The following SLC1A2 variants were observed in gnomAD, a reference collection of about 807,000 sequenced individuals.
SLC1A2 encodes the protein excitatory amino acid transporter 2.
A neutral mutation model predicts 48.8 loss-of-function variants in SLC1A2; 15 were observed. That is an observed-to-expected ratio of 0.31 (90% CI 0.21 to 0.47). The LOEUF is 0.47. Ranked by LOEUF, SLC1A2 falls within the 20% of genes least tolerant of loss-of-function variation. The pLI, the probability that SLC1A2 is intolerant of heterozygous loss-of-function variation, is 0.99. For missense variants in SLC1A2, 502 were observed against 730.5 expected, an observed-to-expected ratio of 0.69 and a Z score of 3.61; for synonymous variants, 279 against 272.6, an observed-to-expected ratio of 1.02 and a Z score of -0.23.
At position 35,296,126 on chromosome 11, in the gene SLC1A2, C is replaced by T. The variant is rs145649107; in HGVS notation, c.858-3606G>A. Among the ~76,000 whole-genome samples the T allele has an allele frequency of 7.5e-4, 114 of 152,332 alleles. 1 individual carries two copies. Among genetic ancestry groups the T allele is most frequent in the Non-Finnish European group, 1.3e-3 (89 of 68,030 alleles). ...TTGGTGACCTTCTGGAAACCATTTA[C>T]CTTAGCTCCAACTACTTCAGGATCT... is the stretch of plus-strand genomic sequence containing the variant. On this transcript the variant is annotated intron_variant, in intron 6 of 10. Coordinates refer to ENST00000278379, the MANE Select transcript of SLC1A2 (RefSeq NM_004171.4).
intron 10 of SLC1A2, chr11:35,264,892 T>G (rs551548824): frequency 6.6e-6 from 1 of 152,486 alleles, no homozygotes; most frequent in South Asian, 2.1e-4. Context: ...TGCTGGGGAT[T>G]TCTCTTGATG....
In SLC1A2 at chr11:35,360,153, A is replaced by T. The variant is rs546116952; in HGVS notation, c.18-42637T>A. 7.3e-5 allele frequency: 64 copies of T among 877,880 alleles called. 1 individual carries two copies. In the South Asian group the frequency reaches 3.0e-3, roughly 41 times the overall value. 54.4% of individuals were successfully genotyped at this position (877,880 alleles called of 1,614,324 possible). ...AGAGGAAAAGCTGTCGGGGGCTTTA[A>T]AGTTTACCTACCCAGTGTTTTGATG... On this transcript the variant is annotated intron_variant, in intron 1 of 10. Transcript: ENST00000278379.
intron 7 of SLC1A2, chr11:35,291,461 C>T (rs1457079370): frequency 4.6e-5 from 7 of 152,136 alleles, no homozygotes; most frequent in Non-Finnish European, 1.0e-4. Context: ...AGGGTTTCAC[C>T]ATGTTAGCCA....
rs1443153596 is a variant in SLC1A2, at chr11:35,258,266, C to T, written c.*2628G>A. 6.6e-6 allele frequency: 1 copy of T among 152,206 alleles called. No homozygotes were observed. The highest frequency in any genetic ancestry group is 2.4e-5 in the African/African-American group (1 of 41,446). The allele number at this position is 152,206 out of a possible 1,614,324, so 9.4% of individuals were successfully genotyped here. Reference sequence around the variant, plus strand: ...TTCTAAGTATATTCTCACGAGACTTCCTGCACACAGTAAGTCTCAGACCAG... The same window carrying T: ...TTCTAAGTATATTCTCACGAGACTTTCTGCACACAGTAAGTCTCAGACCAG... On this transcript the variant is annotated 3_prime_UTR_variant, in exon 11 of 11. Coordinates refer to ENST00000278379, the MANE Select transcript of SLC1A2 (RefSeq NM_004171.4).
At chr11:35,286,992 T>G (rs1312320383) in intron 7 of SLC1A2, 41 bp from the exon 8 acceptor site, 1 of 1,518,284 alleles carries the variant, frequency 6.6e-7, no homozygotes, top group Non-Finnish European at 9.1e-7. Flanking sequence ...TTATGTCCAC[T>G]TTAGAGAAGC....
intron 4 of SLC1A2, among the ~76,000 whole-genome samples, chr11:35,310,046 C>G (rs1031708151): frequency 6.6e-6 from 1 of 152,152 alleles, no homozygotes; most frequent in Non-Finnish European, 1.5e-5. Flanking sequence ...CAAAGACTGC[C>G]CATCCACCAC....
intron 1 of SLC1A2, among the ~76,000 whole-genome samples, chr11:35,327,853 T>C (rs1274500276): frequency 2.0e-5 from 3 of 152,126 alleles, no homozygotes; most frequent in Non-Finnish European, 4.4e-5. Flanking sequence ...TGTGCTGTGG[T>C]TCTGCAGCAA....
intron 1 of SLC1A2, among the ~76,000 whole-genome samples, chr11:35,405,250 C>T (rs1855251405): frequency 6.6e-6 from 1 of 152,068 alleles, no homozygotes; most frequent in South Asian, 2.1e-4. Context: ...ACACACATAC[C>T]AACTACAAGG....
intron 10 of SLC1A2, chr11:35,262,005 T>C (rs899815772): frequency 1.8e-5 from 6 of 328,168 alleles, no homozygotes; most frequent in Non-Finnish European, 2.7e-5. Flanking sequence ...GCAGTTATTC[T>C]GATTAAACTT....
chr11:35,371,722 C>T (rs2135168089), intron 1 of SLC1A2, among the ~76,000 whole-genome samples: 1 of 152,310 alleles, frequency 6.6e-6, no homozygotes, highest in Non-Finnish European at 1.5e-5. Flanking sequence ...TCAGAGTGCA[C>T]CCAAGCAACC....
rs145088116 is a variant in SLC1A2 at position 35,373,611 on chromosome 11, G to A, written c.17+45339C>T. 1.8e-4 allele frequency among the ~76,000 whole-genome samples: 27 copies of A among 152,336 alleles called. No individual in the cohort carries two copies. The East Asian group carries it at 3.5e-3, about 20-fold the overall frequency. On this transcript the variant is annotated intron_variant, in intron 1 of 10. Transcript: ENST00000278379. ...AGAAAATGAGTAGATGTGAAACAGGGAGAGGGCTGCAGGCTGTGCTGCAAC... is the reference window on the plus strand; with the variant it reads ...AGAAAATGAGTAGATGTGAAACAGGAAGAGGGCTGCAGGCTGTGCTGCAAC...
At chr11:35,291,255 T>C (rs1850994128) in intron 7 of SLC1A2, 1 of 151,746 alleles carries the variant, frequency 6.6e-6, no homozygotes, top group Admixed American at 6.6e-5. Flanking sequence ...GTAAGGCATT[T>C]CTTTCTTTCT....
chr11:35,327,257 G>A (rs1401170587), intron 1 of SLC1A2, among the ~76,000 whole-genome samples: 1 of 151,350 alleles, frequency 6.6e-6, no homozygotes, highest in African/African-American at 2.5e-5. Flanking sequence ...TTGAGCTAAA[G>A]TTGAAAAATA....
chr11:35,350,445 T>TGCAACAACCCCAAAAG, intron 1 of SLC1A2, among the ~76,000 whole-genome samples: 1 of 152,288 alleles, frequency 6.6e-6, no homozygotes, highest in African/African-American at 2.4e-5. Context: ...AAGGTACAAA[T>TGCAACAACCCCAAAAG]GTTTACCCCA....
intron 1 of SLC1A2, among the ~76,000 whole-genome samples, chr11:35,356,177 T>C (rs1371373395): frequency 6.6e-6 from 1 of 152,236 alleles, no homozygotes; most frequent in East Asian, 1.9e-4. Flanking sequence ...AGTTCCTGAA[T>C]GAATTGAATA....
chr11:35,321,685 G>C (rs1400776586), intron 1 of SLC1A2, among the ~76,000 whole-genome samples: 1 of 152,132 alleles, frequency 6.6e-6, no homozygotes, highest in East Asian at 1.9e-4. Context: ...AGGTGAGTTG[G>C]ATACAGATGG....
At chr11:35,276,503 T>G (rs567557437) in intron 9 of SLC1A2, among the ~76,000 whole-genome samples, 2 of 152,190 alleles carry the variant, frequency 1.3e-5, no homozygotes, top group Non-Finnish European at 2.9e-5. Context: ...ACTTCAGCCC[T>G]GGAGTTAGGA....
At position 35,312,304 on chromosome 11, in the gene SLC1A2, T is replaced by A. The variant is rs1269157400; in HGVS notation, c.455A>T (p.Gln152Leu). Residue 152 changes from glutamine (Q) to leucine (L), a missense_variant, in exon 4 of 11, where the codon CAG becomes CTG. Transcript: ENST00000278379. ...ATCATTCTTCTTCCCAGGCCCCAGC[T>A]GCTTCTTGAGCTTGGGATTGCCTGG... Reference protein sequence around the residue: ...IHPGNPKLKKQLGPGKKNDEV... With the variant: ...IHPGNPKLKKLLGPGKKNDEV... 1.2e-6 allele frequency: 2 copies of A among 1,614,064 alleles called. No individual in the cohort carries two copies. The highest frequency in any genetic ancestry group is 3.3e-5 in the Admixed American group (2 of 60,002).
At chr11:35,312,605 G>A (rs993865220) in intron 3 of SLC1A2, among the ~76,000 whole-genome samples, 157 bp from the exon 4 acceptor site, 4 of 152,206 alleles carry the variant, frequency 2.6e-5, no homozygotes, top group Non-Finnish European at 1.5e-5. Context: ...TGAGAGGGTT[G>A]GTTCTGGGAC....
Sources: gnomAD v4.1 joint callset for allele counts (sites outside exome capture counted in the v4.1 genomes callset) on GRCh38, gnomAD v4.1.1 for gene constraint, MANE v1.5 for transcripts, NCBI Gene and HGNC (gene_info 2026-07-23, HGNC 2026-07-21) for gene names.